Variants in PDE10A observed in about 807,000 individuals in gnomAD.
The protein encoded by PDE10A is cAMP and cAMP-inhibited cGMP 3',5'-cyclic phosphodiesterase 10A.
In PDE10A, 39 loss-of-function variants were observed where a neutral mutation model predicts 97.7. The ratio of observed to expected loss-of-function variants is 0.40; its 90% confidence interval spans 0.31 to 0.52. The LOEUF is 0.52. Among genes scored for constraint, PDE10A ranks in the 20% least tolerant of loss-of-function variants. The probability of loss-of-function intolerance (pLI) is 0.56; values close to 1 mark genes in which losing one functional copy is unlikely to be tolerated. For synonymous variants in PDE10A, 371 were observed against 376.8 expected (o/e 0.98, Z 0.18); for missense variants, 731 against 1,047.8 (o/e 0.70, Z 4.17).
At chr6:165,471,889 T>A (rs1486142327) in intron 3 of PDE10A, among the ~76,000 whole-genome samples, 6 of 152,224 alleles carry the variant, frequency 3.9e-5, no homozygotes, top group African/African-American at 1.4e-4. Flanking sequence ...TTAGGATTTC[T>A]GAACTTTTGT....
chr6:165,547,294 T>C (rs1004582575), intron 1 of PDE10A, among the ~76,000 whole-genome samples: 5 of 152,098 alleles, frequency 3.3e-5, no homozygotes, highest in African/African-American at 1.2e-4. Flanking sequence ...GGAGTACTCA[T>C]GAGCAGGGGC....
At chr6:165,417,567 T>G (rs934157937) in intron 11 of PDE10A, among the ~76,000 whole-genome samples, 2 of 152,178 alleles carry the variant, frequency 1.3e-5, no homozygotes, top group African/African-American at 4.8e-5. Flanking sequence ...CACTCAAATC[T>G]TCAGCAAGAG....
Position 165,460,478 on chromosome 6 carries a change from A to C in PDE10A, c.1024-10116T>G, listed in dbSNP as rs576487149. ...ACAAGGCAAAGCAGCTTATTGGGTA[A>C]ATCAAATTGCTGATAAACGTCCTAC... On this transcript the variant is annotated intron_variant, in intron 3 of 21. Coordinates refer to ENST00000539869, the MANE Select transcript of PDE10A (RefSeq NM_001385079.1). 3.9e-4 allele frequency among the ~76,000 whole-genome samples: 59 copies of C among 152,314 alleles called. No homozygotes were observed. In the East Asian group the frequency reaches 6.8e-3, roughly 17 times the overall value.
At chr6:165,687,369 A>G (rs1161041792) in intron 1 of PDE10A, among the ~76,000 whole-genome samples, 1 of 152,256 alleles carries the variant, frequency 6.6e-6, no homozygotes, top group Non-Finnish European at 1.5e-5. Context: ...ATGAAGGTAA[A>G]GGGTCACTAC....
At chr6:165,836,016 C>T (rs1460437262) in intron 1 of PDE10A, among the ~76,000 whole-genome samples, 3 of 152,212 alleles carry the variant, frequency 2.0e-5, no homozygotes, top group Non-Finnish European at 4.4e-5. Context: ...TCGGGGAAAA[C>T]ATCAATCTTG....
chr6:165,491,662 A>C (rs573489564), intron 2 of PDE10A, among the ~76,000 whole-genome samples: 2 of 152,272 alleles, frequency 1.3e-5, no homozygotes, highest in East Asian at 3.9e-4. Flanking sequence ...TTTGAACTAC[A>C]CTATAATAGT....
chr6:165,761,852 G>GT (rs1284911797), intron 1 of PDE10A, among the ~76,000 whole-genome samples: 1 of 152,128 alleles, frequency 6.6e-6, no homozygotes, highest in Non-Finnish European at 1.5e-5. Flanking sequence ...ACTACCTTCT[G>GT]TAAGAAGTAA....
intron 18 of PDE10A, among the ~76,000 whole-genome samples, chr6:165,373,920 T>C (rs1046313547): frequency 5.3e-5 from 8 of 151,880 alleles, no homozygotes; most frequent in Admixed American, 3.3e-4. Context: ...GATGAGTTCA[T>C]GTCCTTTGTA....
chr6:165,608,826 T>C (rs1222631879), intron 1 of PDE10A, among the ~76,000 whole-genome samples: 1 of 152,232 alleles, frequency 6.6e-6, no homozygotes, highest in East Asian at 1.9e-4. Context: ...AGATGATATC[T>C]CATTGTGGTT....
rs772442033 is a variant in PDE10A at position 165,671,429 on chromosome 6, A to T, written c.-614-127861T>A. ...TCTGCCCATTTACTGCCCAGAACTG[A>T]ACATGAGCCCATTCACAGGGCCACT... On this transcript the variant is annotated intron_variant, in intron 1 of 19. Transcript: ENST00000366882. The surrounding 1 kb of genome is among the most constrained non-coding windows in gnomAD (Gnocchi z 4.6). 2.0e-5 allele frequency among the ~76,000 whole-genome samples: 3 copies of T among 152,116 alleles called. No individual in the cohort carries two copies. The highest frequency in any genetic ancestry group is 4.4e-5 in the Non-Finnish European group (3 of 68,026).
intron 13 of PDE10A, among the ~76,000 whole-genome samples, chr6:165,399,304 T>C (rs904859632): frequency 2.0e-5 from 3 of 152,198 alleles, no homozygotes; most frequent in African/African-American, 4.8e-5. Flanking sequence ...AGTAGGCTTT[T>C]CTATAGGAAA....
In PDE10A at chr6:165,753,618, T is replaced by TC. The variant is rs1317477235; in HGVS notation, c.-614-210051dup. Among the ~76,000 whole-genome samples, 6 of 152,356 alleles carry TC rather than the reference T, an allele frequency of 3.9e-5. No individual in the cohort carries two copies. In the East Asian group the frequency reaches 1.2e-3, roughly 29 times the overall value. ...TAATTTTAGTTTTTAGGGTTTTTTT[T>TC]CCCACCACAGATGCTAACTTGCTTA... On this transcript the variant is annotated intron_variant, in intron 1 of 19. Transcript: ENST00000366882.
chr6:165,673,660 G>A (rs1276772881), intron 1 of PDE10A, among the ~76,000 whole-genome samples: 2 of 152,120 alleles, frequency 1.3e-5, no homozygotes, highest in African/African-American at 2.4e-5. Flanking sequence ...TTCATGTTTT[G>A]TTTTGAAATT....
At chr6:165,591,315 T>C (rs1200317787) in intron 1 of PDE10A, among the ~76,000 whole-genome samples, 1 of 152,246 alleles carries the variant, frequency 6.6e-6, no homozygotes, top group Non-Finnish European at 1.5e-5. Context: ...AGTATTTTCA[T>C]TGTGCTTCTG....
chr6:165,764,805 CAG>C (rs1777771894), intron 1 of PDE10A, among the ~76,000 whole-genome samples: 2 of 152,164 alleles, frequency 1.3e-5, no homozygotes, highest in African/African-American at 4.8e-5. Flanking sequence ...AAACCTTCCA[CAG>C]AGTGTCGAAG....
rs574169461 is a variant in PDE10A, at chr6:165,893,068, A to G, written c.-615+94461T>C. Among the ~76,000 whole-genome samples the G allele has an allele frequency of 2.0e-5, 3 of 152,322 alleles. No individual in the cohort carries two copies. The South Asian group carries it at 6.2e-4, about 32-fold the overall frequency. ...GTGGAATAGACAGATGCATGAAAGG[A>G]GTTGATGTTTTCATTTCTTTAACTC... On this transcript the variant is annotated intron_variant, in intron 1 of 19. Transcript: ENST00000366882.
chr6:165,986,514 T>TCTCC (rs1491172201), intron 1 of PDE10A: 1 of 13,976 alleles, frequency 7.2e-5, no homozygotes, highest in African/African-American at 2.9e-4. Flanking sequence ...TCTCTCTCTG[T>TCTCC]CTCTCTCTCT....
chr6:165,411,706 T>C (rs922659509), intron 13 of PDE10A, among the ~76,000 whole-genome samples: 1 of 152,216 alleles, frequency 6.6e-6, no homozygotes, highest in Non-Finnish European at 1.5e-5. Context: ...ACAAACTGAA[T>C]CATTTAGGAG....
intron 18 of PDE10A, among the ~76,000 whole-genome samples, chr6:165,355,986 A>C (rs1449188324): frequency 6.6e-6 from 1 of 152,138 alleles, no homozygotes; most frequent in Admixed American, 6.6e-5. Context: ...AGGCCTCAGC[A>C]AACTTACAAT....
Sources: gnomAD v4.1 joint callset for allele counts (sites outside exome capture counted in the v4.1 genomes callset) on GRCh38, gnomAD v4.1.1 for gene constraint, Gnocchi (gnomAD v3.1) non-coding constraint, MANE v1.5 for transcripts, NCBI Gene and HGNC (gene_info 2026-07-23, HGNC 2026-07-21) for gene names.